The following AXDND1 variants were observed in gnomAD, a reference collection of about 807,000 sequenced individuals.
The protein encoded by AXDND1 is axonemal dynein light chain domain containing 1.
In AXDND1, 110 loss-of-function variants were observed where a neutral mutation model predicts 137.5. The observed-to-expected ratio is 0.80, with a 90% CI of 0.69 to 0.94. The LOEUF (loss-of-function observed/expected upper bound fraction) is 0.94. AXDND1 is among the 40% of genes least tolerant of loss of function. The pLI is 0.00. For synonymous variants in AXDND1, 414 were observed against 399.7 expected (o/e 1.04, Z -0.43); for missense variants, 1,191 against 1,169.8 (o/e 1.02, Z -0.26).
intron 14 of AXDND1, 21 bp downstream of exon 14, chr1:179,430,627 T>G (rs1207089874): frequency 1.2e-6 from 2 of 1,600,036 alleles, no homozygotes; most frequent in Non-Finnish European, 8.5e-7. Context: ...AAGAATCTTG[T>G]TTTTCTGATT....
intron 5 of AXDND1, 118 bp from the exon 6 acceptor site, chr1:179,379,279 C>G: frequency 1.8e-6 from 2 of 1,091,422 alleles, no homozygotes; most frequent in South Asian, 3.0e-5. Flanking sequence ...TTTCTCCAAT[C>G]AAAATTTTTC....
chr1:179,463,949 G>GT (rs200165794), intron 16 of AXDND1, among the ~76,000 whole-genome samples: 14,717 of 151,388 alleles, frequency 0.097, 915 homozygotes, highest in South Asian at 0.21. Context: ...AACCTCTGCT[G>GT]TTTTTTTTCC....
At chr1:179,468,803 C>A in intron 17 of AXDND1, 162 bp downstream of exon 17, 1 of 515,622 alleles carries the variant, frequency 1.9e-6, no homozygotes, top group Non-Finnish European at 3.2e-6. Context: ...AATATTTCAT[C>A]ACCTCAAAAA....
At chr1:179,515,764 G>A (rs1415596802) in intron 21 of AXDND1, among the ~76,000 whole-genome samples, 1 of 151,954 alleles carries the variant, frequency 6.6e-6, no homozygotes, top group Non-Finnish European at 1.5e-5. Flanking sequence ...GTACAAATGA[G>A]GGTTCATTTT....
intron 20 of AXDND1, chr1:179,506,810 A>T: frequency 1.0e-6 from 1 of 979,072 alleles, no homozygotes; most frequent in Non-Finnish European, 1.2e-6. Context: ...TTGGACCACA[A>T]TAGGCTTTCT....
At chr1:179,507,279 G>A (rs749161035) in intron 20 of AXDND1, among the ~76,000 whole-genome samples, 5 of 152,122 alleles carry the variant, frequency 3.3e-5, no homozygotes, top group Non-Finnish European at 5.9e-5. Flanking sequence ...AAAACTTGCT[G>A]AACTCTATAG....
At chr1:179,485,008 C>T (rs1232184581) in intron 18 of AXDND1, among the ~76,000 whole-genome samples, 1 of 152,200 alleles carries the variant, frequency 6.6e-6, no homozygotes, top group African/African-American at 2.4e-5. Flanking sequence ...CTTGTGCAGC[C>T]ACTGCTGCCT....
At chr1:179,428,060 G>T (rs1656836908) in intron 12 of AXDND1, among the ~76,000 whole-genome samples, 1 of 152,088 alleles carries the variant, frequency 6.6e-6, no homozygotes, top group Non-Finnish European at 1.5e-5. Context: ...AAGATTAGAA[G>T]TAAAGAGAAT....
intron 25 of AXDND1, among the ~76,000 whole-genome samples, chr1:179,541,741 G>A (rs148931172): frequency 5.1e-4 from 77 of 151,906 alleles, no homozygotes; most frequent in African/African-American, 1.5e-3. Context: ...AATTTCACAC[G>A]TGAGAATCTT....
Position 179,491,743 on chromosome 1 carries a change from G to A in AXDND1, c.2291+6G>A. On this transcript the variant is annotated splice_donor_region_variant and intron_variant, in intron 19 of 25. Coordinates refer to ENST00000367618, the MANE Select transcript of AXDND1 (RefSeq NM_144696.6). ...TACTCCAGCTATTTGAGCAGGTGAA[G>A]CGGTTATTTTATTGTTGCCCTTTTG... is the stretch of plus-strand genomic sequence containing the variant. The A allele has an allele frequency of 6.5e-7, 1 of 1,534,604 alleles. No individual in the cohort carries two copies. The highest frequency in any genetic ancestry group is 2.2e-5 in the Admixed American group (1 of 46,480).
intron 25 of AXDND1, among the ~76,000 whole-genome samples, chr1:179,539,705 C>T (rs1315988176): frequency 1.3e-5 from 2 of 152,052 alleles, no homozygotes; most frequent in African/African-American, 4.8e-5. Context: ...TTGTGGTGTT[C>T]TCTGTATTTC....
intron 21 of AXDND1, among the ~76,000 whole-genome samples, chr1:179,510,638 G>A (rs758194383): frequency 1.3e-5 from 2 of 152,150 alleles, no homozygotes; most frequent in Non-Finnish European, 2.9e-5. Context: ...TGATCTTGGT[G>A]TATCAGATCT....
chr1:179,485,174 C>G (rs1010297614), intron 18 of AXDND1, among the ~76,000 whole-genome samples: 1 of 152,248 alleles, frequency 6.6e-6, no homozygotes, highest in Non-Finnish European at 1.5e-5. Flanking sequence ...TAGTGCCCCA[C>G]CACAGCTGAT....
intron 21 of AXDND1, among the ~76,000 whole-genome samples, chr1:179,515,253 G>C (rs550393200): frequency 5.8e-4 from 88 of 152,058 alleles, no homozygotes; most frequent in African/African-American, 2.1e-3. Flanking sequence ...GCAGTTCTTG[G>C]TAGTGGTGGC....
rs1027527699 is a variant in AXDND1, at chr1:179,444,082, G to A, written c.1564-888G>A. ...TTTTTTTTTTTTTTACTTTTTATCT[G>A]GAGGTTTTGACATGCATAGAAAAAA... On this transcript the variant is annotated intron_variant, in intron 15 of 25. Transcript: ENST00000367618. 8.9e-5 allele frequency among the ~76,000 whole-genome samples: 13 copies of A among 146,556 alleles called. 1 individual carries two copies. Among genetic ancestry groups the A allele is most frequent in the Admixed American group, 4.8e-4 (7 of 14,588 alleles).
At chr1:179,506,927 G>C (rs978880500) in intron 20 of AXDND1, 2 of 984,372 alleles carry the variant, frequency 2.0e-6, no homozygotes, top group Non-Finnish European at 2.4e-6. Flanking sequence ...GTTTTAGCAG[G>C]TAAATTCAAG....
At chr1:179,447,496 G>T in intron 16 of AXDND1, 1 of 518,044 alleles carries the variant, frequency 1.9e-6, no homozygotes, top group Non-Finnish European at 3.4e-6. Flanking sequence ...TTAGGAATAG[G>T]TATAGATTCT....
At chr1:179,382,400 T>G (rs1414928881) in intron 6 of AXDND1, among the ~76,000 whole-genome samples, 1 of 152,170 alleles carries the variant, frequency 6.6e-6, no homozygotes, top group Non-Finnish European at 1.5e-5. Flanking sequence ...GATGCTCAAA[T>G]TTTTCCAGAT....
chr1:179,366,592 A>G lies in AXDND1; in HGVS notation c.83A>G (p.Lys28Arg), dbSNP rs372782446. The G allele has an allele frequency of 4.3e-6, 7 of 1,611,720 alleles. No individual in the cohort carries two copies. The highest frequency in any genetic ancestry group is 1.1e-5 in the South Asian group (1 of 91,050). ...AAAAAGTTAAAAGTGTCTGTAGCCA[A>G]GGAAGGGACAAGAGGTAAACTTCGT... ...ESKKLKVSVA[K>R]EGTRGLPELK... Residue 28 changes from lysine (K) to arginine (R), a missense_variant, in exon 2 of 26, where the codon AAG becomes AGG. By Grantham distance (26) the Lys-to-Arg change is conservative. Coordinates refer to ENST00000367618, the MANE Select transcript of AXDND1 (RefSeq NM_144696.6).
Sources: gnomAD v4.1 joint callset for allele counts (sites outside exome capture counted in the v4.1 genomes callset) on GRCh38, gnomAD v4.1.1 for gene constraint, MANE v1.5 for transcripts, NCBI Gene and HGNC (gene_info 2026-07-23, HGNC 2026-07-21) for gene names.